Variants in PAPOLA observed in about 807,000 individuals in gnomAD.
PAPOLA encodes the protein poly(A) polymerase alpha.
A neutral mutation model predicts 100.6 loss-of-function variants in PAPOLA; 15 were observed. The observed-to-expected ratio is 0.15, with a 90% confidence interval of 0.10 to 0.23. The LOEUF (loss-of-function observed/expected upper bound fraction) is 0.23. PAPOLA is among the 10% of genes least tolerant of loss of function. The probability of loss-of-function intolerance (pLI) is 1.00; values close to 1 mark genes in which losing one functional copy is unlikely to be tolerated. For missense variants in PAPOLA, 533 were observed against 884.2 expected, an observed-to-expected ratio of 0.60 and a Z score of 5.04; for synonymous variants, 293 against 300.0, an observed-to-expected ratio of 0.98 and a Z score of 0.24.
At position 96,565,162 on chromosome 14, in the gene PAPOLA, G is replaced by GT. The variant is rs1268356526; in HGVS notation, c.*118dup. The GT allele has an allele frequency of 3.2e-5, 21 of 664,482 alleles. No homozygotes were observed. Among genetic ancestry groups the GT allele is most frequent in the Middle Eastern group, 4.0e-4 (1 of 2,498 alleles). 41.2% of individuals were successfully genotyped at this position (664,482 alleles called of 1,614,324 possible). On this transcript the variant is annotated 3_prime_UTR_variant, in exon 22 of 22. Transcript: ENST00000216277. Reference sequence around the variant, plus strand: ...CTAGACATGACTGAAATGGATTTGGGTTTTTTGGTGACCTCCCTTACTGGG... The same window carrying GT: ...CTAGACATGACTGAAATGGATTTGGGTTTTTTTGGTGACCTCCCTTACTGGG...
chr14:96,539,658 C>CT (rs758826152), intron 12 of PAPOLA, among the ~76,000 whole-genome samples: 20 of 152,088 alleles, frequency 1.3e-4, no homozygotes, highest in Non-Finnish European at 2.4e-4. Flanking sequence ...CATGGAGGCA[C>CT]TTGCGCATCA....
intron 9 of PAPOLA, chr14:96,533,588 TC>T: frequency 1.1e-6 from 1 of 873,676 alleles, no homozygotes; most frequent in Non-Finnish European, 1.4e-6. Context: ...GGAGTCTCAC[TC>T]TGTCACCCAG....
chr14:96,557,837 G>A (rs755180676), intron 19 of PAPOLA, among the ~76,000 whole-genome samples: 1 of 151,204 alleles, frequency 6.6e-6, no homozygotes, highest in Non-Finnish European at 1.5e-5. Context: ...ATGAAAAACG[G>A]GTATTGTATA....
chr14:96,552,639 A>C lies in PAPOLA; in HGVS notation c.1664+17A>C. ...CTCTCAGGGGTAAGGAAAAAGAGGG[A>C]AATAGAAGTGGAGGGGCTGTTTGCT... is the stretch of plus-strand genomic sequence containing the variant. On this transcript the variant is annotated intron_variant, in intron 17 of 21. Transcript: ENST00000216277. 1 of 1,607,246 alleles carries C rather than the reference A, an allele frequency of 6.2e-7. No individual in the cohort carries two copies. The highest frequency in any genetic ancestry group is 1.1e-5 in the South Asian group (1 of 89,720).
At chr14:96,505,059 A>T (rs1896615813) in intron 1 of PAPOLA, among the ~76,000 whole-genome samples, 1 of 152,148 alleles carries the variant, frequency 6.6e-6, no homozygotes, top group African/African-American at 2.4e-5. Flanking sequence ...CTACAAACAT[A>T]CTTTTGGAAA....
At chr14:96,536,930 A>T in intron 11 of PAPOLA, 46 bp from the exon 12 acceptor site, 1 of 1,060,620 alleles carries the variant, frequency 9.4e-7, no homozygotes, top group Non-Finnish European at 1.5e-6. Flanking sequence ...AAAATTCTAG[A>T]TTGTAGACTG....
chr14:96,527,373 T>C, intron 4 of PAPOLA, 57 bp from the exon 5 acceptor site: 1 of 1,006,302 alleles, frequency 9.9e-7, no homozygotes, highest in Non-Finnish European at 1.6e-6. Context: ...CATGATAGGA[T>C]GCAAAATAAT....
rs776540860 is a variant in PAPOLA at position 96,556,239 on chromosome 14, T to C, written c.1830T>C (p.Pro610=). Residue 610 remains proline (P), a synonymous_variant, in exon 19 of 22, where the codon CCT becomes CCC. Transcript: ENST00000216277. ...TQPAISPPPK[P]TVSRVVSSTR... ...CAGCCATTTCTCCACCACCAAAGCC[T>C]ACGGTCTCCAGAGTTGTTTCTTCAA... The C allele has an allele frequency of 6.2e-7, 1 of 1,614,116 alleles. No individual in the cohort carries two copies. Among genetic ancestry groups the C allele is most frequent in the Non-Finnish European group, 8.5e-7 (1 of 1,180,022 alleles).
chr14:96,527,280 T>C, intron 4 of PAPOLA, 150 bp from the exon 5 acceptor site: 1 of 596,180 alleles, frequency 1.7e-6, no homozygotes, highest in South Asian at 2.1e-5. Context: ...TTGTCCTCCA[T>C]TGACTGGTAA....
At chr14:96,563,031 A>G (rs1377720373) in intron 21 of PAPOLA, 138 bp downstream of exon 21, 1 of 561,574 alleles carries the variant, frequency 1.8e-6, no homozygotes, top group Non-Finnish European at 3.1e-6. Context: ...CTATAAACGT[A>G]TTTATTGTAG....
At chr14:96,515,375 A>G (rs1897382104) in intron 1 of PAPOLA, among the ~76,000 whole-genome samples, 1 of 152,106 alleles carries the variant, frequency 6.6e-6, no homozygotes, top group Admixed American at 6.5e-5. Flanking sequence ...TATATGTACT[A>G]TTAGATGTAG....
chr14:96,564,960 A>G lies in PAPOLA; in HGVS notation c.2148A>G (p.Thr716=). Reference sequence around the variant, plus strand: ...TTCTTTGCTTTCATTCTCAGAAAACATCCAGTACAGACCTTTCTGATATCC... The same window carrying G: ...TTCTTTGCTTTCATTCTCAGAAAACGTCCAGTACAGACCTTTCTGATATCC... ...TAASLLASQK[T]SSTDLSDIPA... The change falls in exon 22 of 22, where the codon ACA becomes ACG. Residue 716 remains threonine (T), a synonymous_variant. Transcript: ENST00000216277. 6.6e-7 allele frequency: 1 copy of G among 1,525,362 alleles called. No homozygotes were observed. Among genetic ancestry groups the G allele is most frequent in the Non-Finnish European group, 9.1e-7 (1 of 1,099,340 alleles). The allele number at this position is 1,525,362 out of a possible 1,614,324, so 94.5% of individuals were successfully genotyped here. A position where few individuals can be genotyped will look rare whatever the true frequency, so the allele number is the denominator to read the frequency against.
chr14:96,502,557 G>C lies in PAPOLA; in HGVS notation c.-36G>C, dbSNP rs529585056. On this transcript the variant is annotated 5_prime_UTR_variant, in exon 1 of 22. Transcript: ENST00000216277. ...AGGGCGGCAGCGGCGGCGGTTGCGG[G>C]GGGGAAGTGACTGGGCGGTGCCGGC... 1.3e-5 allele frequency: 20 copies of C among 1,532,486 alleles called. No individual in the cohort carries two copies. The East Asian group carries it at 3.9e-4, about 30-fold the overall frequency. 94.9% of individuals were successfully genotyped at this position (1,532,486 alleles called of 1,614,324 possible).
chr14:96,542,922 T>G, intron 14 of PAPOLA, 29 bp downstream of exon 14: 1 of 1,604,948 alleles, frequency 6.2e-7, no homozygotes, highest in Non-Finnish European at 8.5e-7. Flanking sequence ...TAATTTCTTC[T>G]TCCCATTTCC....
intron 6 of PAPOLA, among the ~76,000 whole-genome samples, chr14:96,530,411 G>C (rs1898894698): frequency 6.8e-6 from 1 of 146,286 alleles, no homozygotes; most frequent in African/African-American, 2.5e-5. Flanking sequence ...TTTTTTCTGA[G>C]GCAGGGTCTT....
In PAPOLA at chr14:96,530,472, A is replaced by T. The variant is rs144231885; in HGVS notation, c.496-1003A>T. 8.9e-3 allele frequency among the ~76,000 whole-genome samples: 1,344 copies of T among 150,844 alleles called. 12 individuals carry two copies. Among genetic ancestry groups the T allele is most frequent in the African/African-American group, 0.03 (1,240 of 41,058 alleles). Reference sequence around the variant, plus strand: ...TGCAATCACAGTTCACTGTAGCCTCAACCTCCTGGGCTCAAGGGATCCTCC... The same window carrying T: ...TGCAATCACAGTTCACTGTAGCCTCTACCTCCTGGGCTCAAGGGATCCTCC... On this transcript the variant is annotated intron_variant, in intron 6 of 21. Transcript: ENST00000216277.
At chr14:96,513,086 A>G (rs1245910813) in intron 1 of PAPOLA, among the ~76,000 whole-genome samples, 1 of 152,014 alleles carries the variant, frequency 6.6e-6, no homozygotes, top group Non-Finnish European at 1.5e-5. Flanking sequence ...TTTTTTGGGG[A>G]TGGAGTCCCG....
chr14:96,546,166 C>CA (rs1005255768), intron 15 of PAPOLA, among the ~76,000 whole-genome samples: 8 of 152,230 alleles, frequency 5.3e-5, no homozygotes, highest in South Asian at 4.1e-4. Context: ...ACATTGGAAT[C>CA]AGTCTTTGAC....
chr14:96,507,813 C>G (rs370763045), intron 1 of PAPOLA, among the ~76,000 whole-genome samples: 1 of 152,050 alleles, frequency 6.6e-6, no homozygotes, highest in Admixed American at 6.6e-5. Context: ...AACAGCTGCC[C>G]CAAGATGAAG....
Sources: gnomAD v4.1 joint callset for allele counts (sites outside exome capture counted in the v4.1 genomes callset) on GRCh38, gnomAD v4.1.1 for gene constraint, MANE v1.5 for transcripts, NCBI Gene and HGNC (gene_info 2026-07-23, HGNC 2026-07-21) for gene names.